ANKS1B: variants seen among roughly 807,000 people sequenced by gnomAD.
ANKS1B encodes ankyrin repeat and sterile alpha motif domain containing 1B, also known as ankyrin repeat and sterile alpha motif domain-containing protein 1B.
In ANKS1B, 36 loss-of-function variants were observed where a neutral mutation model predicts 148.3. That is an observed-to-expected ratio of 0.24 (90% CI 0.19 to 0.32). The LOEUF (loss-of-function observed/expected upper bound fraction) is 0.32. ANKS1B is among the 10% of genes least tolerant of loss of function. The probability of loss-of-function intolerance (pLI) is 1.00; values close to 1 mark genes in which losing one functional copy is unlikely to be tolerated. For missense variants in ANKS1B, 1,157 were observed against 1,542.6 expected, an observed-to-expected ratio of 0.75 and a Z score of 4.19; for synonymous variants, 542 against 560.8, an observed-to-expected ratio of 0.97 and a Z score of 0.47.
At chr12:98,946,724 C>G (rs1386052027) in intron 17 of ANKS1B, among the ~76,000 whole-genome samples, 1 of 151,746 alleles carries the variant, frequency 6.6e-6, no homozygotes, top group Non-Finnish European at 1.5e-5. Context: ...TTGCTTGAGC[C>G]TAGGAGTTCA....
In ANKS1B at chr12:98,745,606, T is replaced by C; in HGVS notation, c.*133A>G. 7.0e-7 allele frequency: 1 copy of C among 1,431,784 alleles called. No individual in the cohort carries two copies. The highest frequency in any genetic ancestry group is 1.5e-5 in the African/African-American group (1 of 67,968). The allele number at this position is 1,431,784 out of a possible 1,614,324, so 88.7% of individuals were successfully genotyped here. On this transcript the variant is annotated 3_prime_UTR_variant, in exon 27 of 27. Transcript: ENST00000683438. Reference sequence around the variant, plus strand: ...ACTTCCCCAGGAATGGCCAGTGGCCTTTCGCCCGTAACAAGGCCGCACGCT... The same window carrying C: ...ACTTCCCCAGGAATGGCCAGTGGCCCTTCGCCCGTAACAAGGCCGCACGCT...
Position 98,953,537 on chromosome 12 carries a change from G to GTTTTTTTTTTTTTTTTTT in ANKS1B, c.2778+99602_2778+99619dup, listed in dbSNP as rs1166158783. Reference sequence around the variant, plus strand: ...CATGTCCATTTGAGAATCTAGAGTGGTTTTTTTTTTTTTTTTTTTTTTTTT... The same window carrying GTTTTTTTTTTTTTTTTTT: ...CATGTCCATTTGAGAATCTAGAGTGGTTTTTTTTTTTTTTTTTTTTTTTTTTTTTTTTTTTTTTTTTTT... On this transcript the variant is annotated intron_variant, in intron 17 of 26. Transcript: ENST00000683438. 7.1e-4 allele frequency among the ~76,000 whole-genome samples: 41 copies of GTTTTTTTTTTTTTTTTTT among 57,452 alleles called. 5 individuals carry two copies. The highest frequency in any genetic ancestry group is 2.4e-3 in the African/African-American group (33 of 13,568). The allele number at this position is 57,452 out of a possible 152,430, so 37.7% of individuals were successfully genotyped here. A position where few individuals can be genotyped will look rare whatever the true frequency, so the allele number is the denominator to read the frequency against.
chr12:99,459,863 A>G (rs2095920154), intron 10 of ANKS1B, among the ~76,000 whole-genome samples: 1 of 152,224 alleles, frequency 6.6e-6, no homozygotes, highest in East Asian at 1.9e-4. Context: ...TGCAATTCCC[A>G]TCAAATTACC....
chr12:98,906,776 A>G lies in ANKS1B; in HGVS notation c.2779-74640T>C, dbSNP rs2099779665. Among the ~76,000 whole-genome samples the G allele has an allele frequency of 2.0e-5, 3 of 152,368 alleles. No individual in the cohort carries two copies. The South Asian group carries it at 6.2e-4, about 32-fold the overall frequency. On this transcript the variant is annotated intron_variant, in intron 17 of 26. Transcript: ENST00000683438. ...ATTGCATAATGGTGATTACAGCAACAATGCATTATATAGCATTAAATGTTT... is the reference window on the plus strand; with the variant it reads ...ATTGCATAATGGTGATTACAGCAACGATGCATTATATAGCATTAAATGTTT...
intron 17 of ANKS1B, among the ~76,000 whole-genome samples, chr12:98,919,975 G>A (rs2099799292): frequency 6.6e-6 from 1 of 152,228 alleles, no homozygotes; most frequent in Non-Finnish European, 1.5e-5. Context: ...TTCTCTGAAA[G>A]TGATGGTGTA....
intron 17 of ANKS1B, among the ~76,000 whole-genome samples, chr12:98,909,113 C>T (rs7969467): frequency 0.38 from 57,601 of 151,964 alleles, 12,213 homozygotes; most frequent in Middle Eastern, 0.54. Context: ...TCTTGGAATG[C>T]TTCCTCTGAG....
At chr12:98,929,714 A>G (rs930433917) in intron 17 of ANKS1B, among the ~76,000 whole-genome samples, 1 of 152,114 alleles carries the variant, frequency 6.6e-6, no homozygotes. Context: ...CTCTTCAACA[A>G]AAGTTCTGGA....
intron 12 of ANKS1B, among the ~76,000 whole-genome samples, chr12:99,278,331 C>A (rs2077953471): frequency 6.6e-6 from 1 of 152,194 alleles, no homozygotes; most frequent in Non-Finnish European, 1.5e-5. Context: ...GTGTTGAATC[C>A]TGCAAGGTCT....
chr12:98,939,282 G>C (rs2099830769), intron 17 of ANKS1B, among the ~76,000 whole-genome samples: 2 of 152,206 alleles, frequency 1.3e-5, no homozygotes, highest in Admixed American at 6.5e-5. Flanking sequence ...TTGCATCATG[G>C]ATATCAAAGC....
intron 9 of ANKS1B, among the ~76,000 whole-genome samples, chr12:99,567,549 C>A (rs2097408927): frequency 6.6e-6 from 1 of 151,970 alleles, no homozygotes; most frequent in Non-Finnish European, 1.5e-5. Context: ...TGCTGAACAA[C>A]CTTGGTTCAG....
intron 10 of ANKS1B, among the ~76,000 whole-genome samples, chr12:99,460,561 A>G (rs1014152735): frequency 1.1e-4 from 16 of 152,164 alleles, no homozygotes; most frequent in African/African-American, 3.9e-4. Flanking sequence ...CAAGAAAAAA[A>G]CAGTCTCATC....
intron 16 of ANKS1B, among the ~76,000 whole-genome samples, chr12:99,060,658 C>CACACACACACACACAG (rs2042114763): frequency 3.2e-5 from 2 of 62,500 alleles, no homozygotes; most frequent in Non-Finnish European, 5.6e-5. Context: ...ACACATCACA[C>CACACACACACACACAG]ACACACACAC....
chr12:99,301,493 T>C (rs977607054), intron 12 of ANKS1B, among the ~76,000 whole-genome samples: 17 of 152,198 alleles, frequency 1.1e-4, no homozygotes, highest in Admixed American at 1.3e-4. Flanking sequence ...TAGTGGACCA[T>C]TTTAGAATAT....
chr12:99,632,767 A>ATATATATATATTTT lies in ANKS1B; in HGVS notation c.1272+22299_1272+22300insAAAATATATATATA, dbSNP rs1441486862. Among the ~76,000 whole-genome samples the ATATATATATATTTT allele has an allele frequency of 7.2e-4, 51 of 71,310 alleles. 1 individual carries two copies. The highest frequency in any genetic ancestry group is 7.9e-4 in the East Asian group (2 of 2,544). 46.8% of individuals were successfully genotyped at this position (71,310 alleles called of 152,430 possible). On this transcript the variant is annotated intron_variant, in intron 9 of 26. Transcript: ENST00000683438. ...TATATATATATATATATATATATAT[A>ATATATATATATTTT]TTTTAATTATACTTTAAGTTCTAGG...
At chr12:99,959,618 A>G (rs1354074552) in intron 1 of ANKS1B, among the ~76,000 whole-genome samples, 1 of 152,148 alleles carries the variant, frequency 6.6e-6, no homozygotes, top group Non-Finnish European at 1.5e-5. Context: ...ATATAAGGAC[A>G]TTTTCCTTAC....
chr12:98,956,109 T>C (rs1251037561), intron 17 of ANKS1B, among the ~76,000 whole-genome samples: 1 of 152,182 alleles, frequency 6.6e-6, no homozygotes, highest in Non-Finnish European at 1.5e-5. Flanking sequence ...ACGCACTCTC[T>C]TTATCCCAAG....
chr12:99,478,352 T>C (rs1409947694), intron 10 of ANKS1B, among the ~76,000 whole-genome samples: 2 of 152,164 alleles, frequency 1.3e-5, no homozygotes, highest in Non-Finnish European at 2.9e-5. Context: ...TTTCTCTGTA[T>C]TTTGGGTAGT....
rs11109715 is a variant in ANKS1B at position 99,061,990 on chromosome 12, C to G, written c.2626-8681G>C. 6.3e-3 allele frequency among the ~76,000 whole-genome samples: 956 copies of G among 152,002 alleles called. 15 individuals are homozygous for G. Among genetic ancestry groups the G allele is most frequent in the African/African-American group, 0.022 (912 of 41,440 alleles). ...GATATCTGGGCAAATGGTGGTGTTA[C>G]CAGGTAAAAGAGAAAAGAAAATAGA... On this transcript the variant is annotated intron_variant, in intron 16 of 26. Transcript: ENST00000683438.
chr12:99,624,639 AAAAC>A (rs2098091282), intron 9 of ANKS1B, among the ~76,000 whole-genome samples: 1 of 152,024 alleles, frequency 6.6e-6, no homozygotes, highest in African/African-American at 2.4e-5. Flanking sequence ...AACAAACATG[AAAAC>A]AAAAATGCTC....
Sources: gnomAD v4.1 joint callset for allele counts (sites outside exome capture counted in the v4.1 genomes callset) on GRCh38, gnomAD v4.1.1 for gene constraint, MANE v1.5 for transcripts, NCBI Gene and HGNC (gene_info 2026-07-23, HGNC 2026-07-21) for gene names.